B3GALT1: variants seen among roughly 807,000 people sequenced by gnomAD.
The protein encoded by B3GALT1 is beta-1,3-galactosyltransferase 1.
In B3GALT1, 10 loss-of-function variants were observed where a neutral mutation model predicts 23.2. The ratio of observed to expected loss-of-function variants is 0.43; its 90% CI spans 0.27 to 0.73. B3GALT1 has a LOEUF of 0.73. Ranked by LOEUF, B3GALT1 falls within the 30% of genes least tolerant of loss-of-function variation. The pLI is 0.21. For synonymous variants in B3GALT1, 156 were observed against 141.5 expected (o/e 1.10, Z -0.73); for missense variants, 299 against 405.4 (o/e 0.74, Z 2.25).
At chr2:167,339,004 C>T (rs1697105070) in intron 1 of B3GALT1, among the ~76,000 whole-genome samples, 2 of 152,094 alleles carry the variant, frequency 1.3e-5, no homozygotes, top group African/African-American at 4.8e-5. Context: ...GCAGAACTCC[C>T]TTAAAATGTG....
intron 2 of B3GALT1, among the ~76,000 whole-genome samples, chr2:167,569,923 A>G (rs544321321): frequency 1.3e-5 from 2 of 152,062 alleles, no homozygotes; most frequent in South Asian, 4.1e-4. Context: ...GTCTATTAAT[A>G]TGATCATGTG....
chr2:167,836,418 A>G (rs1053649748), intron 4 of B3GALT1, among the ~76,000 whole-genome samples: 8 of 152,226 alleles, frequency 5.3e-5, no homozygotes, highest in Admixed American at 3.3e-4. Flanking sequence ...ACTGGAAGAA[A>G]GGGTATCAGC....
chr2:167,434,754 A>ATAGT (rs1698754363), intron 1 of B3GALT1, among the ~76,000 whole-genome samples: 2 of 140,736 alleles, frequency 1.4e-5, no homozygotes, highest in South Asian at 5.3e-4. Context: ...TGTTGAAGAA[A>ATAGT]TAGTTATTTC....
At chr2:167,807,353 C>T (rs1184869969) in intron 3 of B3GALT1, among the ~76,000 whole-genome samples, 5 of 152,176 alleles carry the variant, frequency 3.3e-5, no homozygotes, top group Non-Finnish European at 5.9e-5. Context: ...TTGCCTTCTG[C>T]TAGCTTTTAA....
chr2:167,480,095 A>G (rs950253505), intron 1 of B3GALT1, among the ~76,000 whole-genome samples: 2 of 152,126 alleles, frequency 1.3e-5, no homozygotes, highest in African/African-American at 4.8e-5. Context: ...GATGTTAACT[A>G]TAGGAGCAGT....
At chr2:167,417,723 T>G (rs1057450296) in intron 1 of B3GALT1, among the ~76,000 whole-genome samples, 4 of 152,214 alleles carry the variant, frequency 2.6e-5, no homozygotes, top group African/African-American at 9.6e-5. Context: ...TTTTATAATT[T>G]CACTTCACCC....
At chr2:167,511,674 A>G (rs998634025) in intron 2 of B3GALT1, among the ~76,000 whole-genome samples, 8 of 152,118 alleles carry the variant, frequency 5.3e-5, no homozygotes, top group African/African-American at 1.9e-4. Context: ...TTAATTAGGA[A>G]AGTCTTCCAA....
intron 3 of B3GALT1, among the ~76,000 whole-genome samples, chr2:167,813,117 A>G (rs1688925467): frequency 6.6e-6 from 1 of 151,970 alleles, no homozygotes; most frequent in African/African-American, 2.4e-5. Context: ...AGCCCCTAGT[A>G]GAATATGACA....
intron 1 of B3GALT1, among the ~76,000 whole-genome samples, chr2:167,342,215 A>G (rs1023319089): frequency 3.3e-5 from 5 of 152,222 alleles, no homozygotes; most frequent in Non-Finnish European, 7.3e-5. Context: ...ACTGAAAAAA[A>G]AGACACATCT....
intron 3 of B3GALT1, among the ~76,000 whole-genome samples, chr2:167,737,459 T>C (rs985440500): frequency 2.0e-5 from 3 of 152,234 alleles, no homozygotes; most frequent in African/African-American, 7.2e-5. Context: ...GGGCTGTGTA[T>C]TGTTTTCAGT....
chr2:167,783,823 A>G (rs1688290493), intron 3 of B3GALT1, among the ~76,000 whole-genome samples: 1 of 152,188 alleles, frequency 6.6e-6, no homozygotes, highest in Admixed American at 6.5e-5. Flanking sequence ...GTGGTCATTA[A>G]CTTACTCTGT....
chr2:167,632,555 G>C (rs1028184693), intron 2 of B3GALT1, among the ~76,000 whole-genome samples: 2 of 151,362 alleles, frequency 1.3e-5, no homozygotes, highest in Non-Finnish European at 3.0e-5. Flanking sequence ...GTGAGAATAA[G>C]TTTTTTTTTC....
chr2:167,413,327 C>G (rs1056567394), intron 1 of B3GALT1, among the ~76,000 whole-genome samples: 12 of 151,958 alleles, frequency 7.9e-5, no homozygotes, highest in African/African-American at 2.9e-4. Context: ...ATTGTGTATT[C>G]TGCTTTGAGA....
At chr2:167,456,823 A>C (rs1559102864) in intron 1 of B3GALT1, among the ~76,000 whole-genome samples, 1 of 152,138 alleles carries the variant, frequency 6.6e-6, no homozygotes, top group Non-Finnish European at 1.5e-5. Context: ...CAAGATCTCC[A>C]TGTGTTCATC....
At chr2:167,578,003 C>G (rs1006854143) in intron 2 of B3GALT1, among the ~76,000 whole-genome samples, 2 of 151,798 alleles carry the variant, frequency 1.3e-5, no homozygotes, top group African/African-American at 4.8e-5. Flanking sequence ...ATAAATAAAG[C>G]AATCAAAAAT....
chr2:167,341,576 C>T (rs1466930089), intron 1 of B3GALT1, among the ~76,000 whole-genome samples: 1 of 151,992 alleles, frequency 6.6e-6, no homozygotes, highest in Non-Finnish European at 1.5e-5. Context: ...GCAGGAGAAT[C>T]ACTTGAACCC....
At chr2:167,457,467 C>A (rs1440445362) in intron 1 of B3GALT1, among the ~76,000 whole-genome samples, 1 of 151,912 alleles carries the variant, frequency 6.6e-6, no homozygotes, top group Non-Finnish European at 1.5e-5. Flanking sequence ...GCCACCATGC[C>A]TGGCCTTCAT....
intron 2 of B3GALT1, among the ~76,000 whole-genome samples, chr2:167,631,136 T>G (rs1685433773): frequency 6.6e-6 from 1 of 151,898 alleles, no homozygotes; most frequent in Non-Finnish European, 1.5e-5. Context: ...AACCAAATAT[T>G]TTTAAGTTAA....
chr2:167,676,049 A>G (rs1279885828), intron 3 of B3GALT1, among the ~76,000 whole-genome samples: 1 of 151,602 alleles, frequency 6.6e-6, no homozygotes, highest in Non-Finnish European at 1.5e-5. Flanking sequence ...CACTATTTCC[A>G]CCCTGTGTTG....
Sources: gnomAD v4.1 joint callset for allele counts (sites outside exome capture counted in the v4.1 genomes callset) on GRCh38, gnomAD v4.1.1 for gene constraint, MANE v1.5 for transcripts, NCBI Gene and HGNC (gene_info 2026-07-23, HGNC 2026-07-21) for gene names.